Variants in LYPD6 observed in about 807,000 individuals in gnomAD.
LYPD6 encodes LY6/PLAUR domain containing 6.
Under a neutral mutation model 22.7 loss-of-function variants are expected in LYPD6, and 15 were observed. The ratio of observed to expected loss-of-function variants is 0.66; its 90% CI spans 0.44 to 1.02. The LOEUF (loss-of-function observed/expected upper bound fraction) is 1.02. LYPD6 is among the 50% of genes least tolerant of loss of function. LYPD6 has a pLI of 0.00. For missense variants in LYPD6, 189 were observed against 208.4 expected (o/e 0.91, Z 0.57); for synonymous variants, 72 against 77.5 (o/e 0.93, Z 0.37).
At chr2:149,345,716 G>A (rs1379390625) in intron 1 of LYPD6, among the ~76,000 whole-genome samples, 2 of 151,906 alleles carry the variant, frequency 1.3e-5, no homozygotes, top group Non-Finnish European at 2.9e-5. Flanking sequence ...TCCTTGTCTT[G>A]TTTAAAAAAT....
At chr2:149,358,322 G>A (rs1403281809) in intron 1 of LYPD6, among the ~76,000 whole-genome samples, 6 of 152,210 alleles carry the variant, frequency 3.9e-5, no homozygotes, top group East Asian at 1.9e-4. Context: ...TACTAGGGAC[G>A]TATAGACAAG....
chr2:149,380,363 CT>C (rs1337443006), intron 1 of LYPD6, among the ~76,000 whole-genome samples: 9 of 152,116 alleles, frequency 5.9e-5, no homozygotes, highest in Non-Finnish European at 1.3e-4. Context: ...TAAGAAGAGG[CT>C]ATAGAGGCAA....
chr2:149,376,749 C>A (rs886345356), intron 1 of LYPD6, among the ~76,000 whole-genome samples: 3 of 152,106 alleles, frequency 2.0e-5, no homozygotes, highest in East Asian at 3.9e-4. Context: ...TCCAGGGACG[C>A]ATGTAAAGCT....
intron 1 of LYPD6, among the ~76,000 whole-genome samples, chr2:149,377,781 A>ACCCCAC (rs1681959758): frequency 1.1e-5 from 1 of 94,252 alleles, no homozygotes; most frequent in Non-Finnish European, 2.2e-5. Context: ...CTTTGTCCCC[A>ACCCCAC]CCCCCCCCCC....
intron 1 of LYPD6, among the ~76,000 whole-genome samples, chr2:149,356,898 T>A (rs771038265): frequency 5.3e-5 from 8 of 152,242 alleles, no homozygotes; most frequent in Non-Finnish European, 1.2e-4. Context: ...TGATTTTTCT[T>A]TGTTTACTGA....
At chr2:149,481,922 T>C in the LYPD6 span, among the ~76,000 whole-genome samples, 1 of 152,180 alleles carries the variant, frequency 6.6e-6, no homozygotes, top group Admixed American at 6.5e-5. Flanking sequence ...TGTTATTACT[T>C]TAGGGGTTCC....
At chr2:149,362,277 A>G (rs1157983468) in intron 1 of LYPD6, among the ~76,000 whole-genome samples, 2 of 150,572 alleles carry the variant, frequency 1.3e-5, no homozygotes, top group Non-Finnish European at 2.9e-5. Flanking sequence ...CCTCTATGAC[A>G]AAAAACAGAT....
intron 1 of LYPD6, among the ~76,000 whole-genome samples, chr2:149,363,568 A>G (rs767783186): frequency 2.6e-5 from 4 of 152,138 alleles, no homozygotes; most frequent in Non-Finnish European, 5.9e-5. Context: ...AAATTGGAAG[A>G]GCTAGATTTG....
chr2:149,446,357 A>C (rs563653841), intron 2 of LYPD6, among the ~76,000 whole-genome samples: 1 of 152,334 alleles, frequency 6.6e-6, no homozygotes, highest in African/African-American at 2.4e-5. Flanking sequence ...TGCTCAATGC[A>C]GGGTTGCCAC....
intron 1 of LYPD6, among the ~76,000 whole-genome samples, chr2:149,416,229 T>G (rs1307424534): frequency 6.6e-6 from 1 of 152,212 alleles, no homozygotes; most frequent in South Asian, 2.1e-4. Flanking sequence ...AGCTGCCCAC[T>G]CTGAGTTCTC....
At chr2:149,437,006 CCA>C in intron 1 of LYPD6, among the ~76,000 whole-genome samples, 1 of 152,200 alleles carries the variant, frequency 6.6e-6, no homozygotes, top group East Asian at 1.9e-4. Flanking sequence ...TTGCTGAACC[CCA>C]GTTTACCCAA....
intron 1 of LYPD6, among the ~76,000 whole-genome samples, chr2:149,371,483 T>C (rs1461695760): frequency 1.3e-5 from 2 of 152,188 alleles, no homozygotes; most frequent in Admixed American, 6.5e-5. Flanking sequence ...TCTGGTTTAG[T>C]TTACCAAAAA....
chr2:149,340,686 G>A (rs1378705087), intron 1 of LYPD6, among the ~76,000 whole-genome samples: 2 of 152,192 alleles, frequency 1.3e-5, no homozygotes, highest in Non-Finnish European at 2.9e-5. Flanking sequence ...ATTCCCAGAT[G>A]TGTAGGAACC....
At chr2:149,362,103 A>G (rs1681581467) in intron 1 of LYPD6, among the ~76,000 whole-genome samples, 1 of 152,162 alleles carries the variant, frequency 6.6e-6, no homozygotes, top group Non-Finnish European at 1.5e-5. Flanking sequence ...GCCCAGTAAG[A>G]CCCATATTGG....
At chr2:149,331,647 G>T (rs929808210) in intron 1 of LYPD6, among the ~76,000 whole-genome samples, 5 of 151,954 alleles carry the variant, frequency 3.3e-5, no homozygotes, top group Non-Finnish European at 2.9e-5. Context: ...AGAATTGGGT[G>T]GGGGGGAATG....
chr2:149,446,215 C>T (rs1353971241), intron 2 of LYPD6, among the ~76,000 whole-genome samples: 1 of 152,100 alleles, frequency 6.6e-6, no homozygotes, highest in Admixed American at 6.6e-5. Context: ...AATAGTATTT[C>T]AGAGATTACT....
intron 1 of LYPD6, among the ~76,000 whole-genome samples, chr2:149,360,776 T>G (rs1433200295): frequency 6.6e-6 from 1 of 152,190 alleles, no homozygotes; most frequent in Non-Finnish European, 1.5e-5. Flanking sequence ...AGTCCTTTTC[T>G]CTAGCTGTAG....
chr2:149,348,944 G>A (rs1202073764), intron 1 of LYPD6, among the ~76,000 whole-genome samples: 2 of 152,054 alleles, frequency 1.3e-5, no homozygotes, highest in Non-Finnish European at 1.5e-5. Flanking sequence ...ATCTCAGAAG[G>A]ATAGGATGTG....
intron 1 of LYPD6, among the ~76,000 whole-genome samples, chr2:149,375,315 G>A (rs1681892797): frequency 1.3e-5 from 2 of 152,178 alleles, no homozygotes; most frequent in South Asian, 4.1e-4. Flanking sequence ...GGGTCTTGGC[G>A]AGATGAAGTC....
Sources: gnomAD v4.1 joint callset for allele counts (sites outside exome capture counted in the v4.1 genomes callset) on GRCh38, gnomAD v4.1.1 for gene constraint, MANE v1.5 for transcripts, NCBI Gene and HGNC (gene_info 2026-07-23, HGNC 2026-07-21) for gene names.